The following KCND2 variants were observed in gnomAD, a reference collection of about 807,000 sequenced individuals.
The protein encoded by KCND2 is A-type voltage-gated potassium channel KCND2.
KCND2 carries 16 observed loss-of-function variants against 54.4 expected under a neutral mutation model. That is an observed-to-expected ratio of 0.29 (90% CI 0.20 to 0.45). The LOEUF (loss-of-function observed/expected upper bound fraction) is 0.45, where lower values mean the gene tolerates loss of function less well. KCND2 is among the 20% of genes least tolerant of loss of function. The probability of loss-of-function intolerance (pLI) is 1.00; values close to 1 mark genes in which losing one functional copy is unlikely to be tolerated. For synonymous variants in KCND2, 317 were observed against 310.7 expected (o/e 1.02, Z -0.21); for missense variants, 486 against 824.2 (o/e 0.59, Z 5.02).
At chr7:120,729,573 T>C (rs932988009) in intron 1 of KCND2, among the ~76,000 whole-genome samples, 2 of 152,218 alleles carry the variant, frequency 1.3e-5, no homozygotes, top group Non-Finnish European at 2.9e-5. Context: ...CCATCTCCTC[T>C]GCTTTCTCTC....
intron 1 of KCND2, among the ~76,000 whole-genome samples, chr7:120,704,455 T>C (rs1314279245): frequency 6.6e-6 from 1 of 152,162 alleles, no homozygotes; most frequent in Non-Finnish European, 1.5e-5. Context: ...GTTTCTCTTT[T>C]AATAATCTTT....
At chr7:120,478,561 A>T (rs548550754) in intron 1 of KCND2, among the ~76,000 whole-genome samples, 1 of 152,270 alleles carries the variant, frequency 6.6e-6, no homozygotes, top group East Asian at 1.9e-4. Context: ...ATGAAAAAAG[A>T]TTGATTTTTC....
intron 1 of KCND2, among the ~76,000 whole-genome samples, chr7:120,564,339 A>G (rs1390478066): frequency 6.6e-6 from 1 of 152,128 alleles, no homozygotes; most frequent in Non-Finnish European, 1.5e-5. Flanking sequence ...GAGCTTTCCT[A>G]TCCACATTTT....
intron 1 of KCND2, among the ~76,000 whole-genome samples, chr7:120,678,670 A>G (rs929386096): frequency 6.8e-6 from 1 of 147,102 alleles, no homozygotes; most frequent in Non-Finnish European, 1.5e-5. Context: ...ACACATATAC[A>G]TATGTGTGTA....
At chr7:120,521,091 G>T (rs2116347135) in intron 1 of KCND2, among the ~76,000 whole-genome samples, 1 of 152,236 alleles carries the variant, frequency 6.6e-6, no homozygotes, top group African/African-American at 2.4e-5. Flanking sequence ...GTCATTAAAG[G>T]ACAGTAGTTT....
chr7:120,357,896 C>G (rs527863734), intron 1 of KCND2, among the ~76,000 whole-genome samples: 2 of 152,162 alleles, frequency 1.3e-5, no homozygotes, highest in South Asian at 4.2e-4. Context: ...TTTAAAGGAC[C>G]TATCTCTCAA....
At chr7:120,400,511 T>A (rs552307803) in intron 1 of KCND2, among the ~76,000 whole-genome samples, 8 of 152,150 alleles carry the variant, frequency 5.3e-5, no homozygotes, top group Non-Finnish European at 1.0e-4. Context: ...CAAACTGTCT[T>A]TATACTCCCA....
At chr7:120,509,886 G>A (rs773219141) in intron 1 of KCND2, among the ~76,000 whole-genome samples, 1 of 152,006 alleles carries the variant, frequency 6.6e-6, no homozygotes, top group Non-Finnish European at 1.5e-5. Flanking sequence ...TATAGGATAA[G>A]CTTTGGTTCA....
intron 1 of KCND2, among the ~76,000 whole-genome samples, chr7:120,331,669 T>C (rs1274650973): frequency 6.6e-6 from 1 of 152,086 alleles, no homozygotes; most frequent in Non-Finnish European, 1.5e-5. Context: ...AAATTAACAG[T>C]GATTATAAAC....
chr7:120,596,884 C>T (rs1046663751), intron 1 of KCND2, among the ~76,000 whole-genome samples: 3 of 152,114 alleles, frequency 2.0e-5, no homozygotes, highest in East Asian at 1.9e-4. Context: ...AAATAATCCT[C>T]GTTAACATAT....
chr7:120,682,421 G>C (rs1792150997), intron 1 of KCND2, among the ~76,000 whole-genome samples: 1 of 152,024 alleles, frequency 6.6e-6, no homozygotes, highest in Non-Finnish European at 1.5e-5. Flanking sequence ...GCCAGGACTA[G>C]TAATTCAAAA....
chr7:120,686,540 G>A (rs534475831), intron 1 of KCND2, among the ~76,000 whole-genome samples: 42 of 152,220 alleles, frequency 2.8e-4, no homozygotes, highest in African/African-American at 9.4e-4. Context: ...GAGCAGGAGC[G>A]AAAGTTTATT....
chr7:120,408,499 C>T (rs1306055776), intron 1 of KCND2, among the ~76,000 whole-genome samples: 1 of 151,778 alleles, frequency 6.6e-6, no homozygotes, highest in Non-Finnish European at 1.5e-5. Context: ...ACCATATACT[C>T]AAGACAGGAG....
chr7:120,331,046 C>G (rs1220227013), intron 1 of KCND2, among the ~76,000 whole-genome samples: 1 of 152,018 alleles, frequency 6.6e-6, no homozygotes, highest in Non-Finnish European at 1.5e-5. Flanking sequence ...TTTGTTCTTT[C>G]TTAATCATTG....
intron 1 of KCND2, among the ~76,000 whole-genome samples, chr7:120,334,393 T>C (rs957247260): frequency 8.5e-5 from 13 of 152,370 alleles, no homozygotes; most frequent in African/African-American, 3.1e-4. Context: ...TTCAGTCTTA[T>C]AACTTAGAAT....
chr7:120,389,865 C>T (rs926215862), intron 1 of KCND2, among the ~76,000 whole-genome samples: 1 of 151,878 alleles, frequency 6.6e-6, no homozygotes, highest in African/African-American at 2.4e-5. Flanking sequence ...GATCCCCAGA[C>T]ATTCTCAAAT....
chr7:120,330,613 C>G (rs1800053293), intron 1 of KCND2, among the ~76,000 whole-genome samples: 2 of 122,114 alleles, frequency 1.6e-5, no homozygotes, highest in Non-Finnish European at 1.7e-5. Flanking sequence ...AAAAAGTTAG[C>G]TAACATTACT....
intron 1 of KCND2, among the ~76,000 whole-genome samples, chr7:120,394,621 A>C (rs1801126522): frequency 6.6e-6 from 1 of 152,008 alleles, no homozygotes; most frequent in Admixed American, 6.6e-5. Context: ...GGAGGAAATC[A>C]GTTTTAGGGA....
At chr7:120,588,346 T>C (rs1192954454) in intron 1 of KCND2, among the ~76,000 whole-genome samples, 1 of 151,920 alleles carries the variant, frequency 6.6e-6, no homozygotes, top group Non-Finnish European at 1.5e-5. Flanking sequence ...ATGGGGCATA[T>C]ACCTTGATCA....
Sources: gnomAD v4.1 joint callset for allele counts (sites outside exome capture counted in the v4.1 genomes callset) on GRCh38, gnomAD v4.1.1 for gene constraint, MANE v1.5 for transcripts, NCBI Gene and HGNC (gene_info 2026-07-23, HGNC 2026-07-21) for gene names.